SUMF1: variants seen among roughly 807,000 people sequenced by gnomAD.
The protein encoded by SUMF1 is sulfatase modifying factor 1.
A neutral mutation model predicts 47.6 loss-of-function variants in SUMF1; 48 were observed. The ratio of observed to expected loss-of-function variants is 1.01; its 90% CI spans 0.80 to 1.28. SUMF1 has a LOEUF of 1.28. Among genes scored for constraint, SUMF1 ranks in the 50% most tolerant of loss-of-function variants. The pLI is 0.00. For missense variants in SUMF1, 571 were observed against 485.4 expected (o/e 1.18, Z -1.66); for synonymous variants, 230 against 192.1 (o/e 1.20, Z -1.63).
chr3:4,098,128 T>C (rs935189454), intron 8 of SUMF1, among the ~76,000 whole-genome samples: 3 of 152,282 alleles, frequency 2.0e-5, no homozygotes, highest in Admixed American at 6.5e-5. Context: ...ACTGCTTTTA[T>C]CTTTAATGCT....
At chr3:4,150,852 A>G (rs1694302825) in intron 8 of SUMF1, among the ~76,000 whole-genome samples, 1 of 151,446 alleles carries the variant, frequency 6.6e-6, no homozygotes, top group Non-Finnish European at 1.5e-5. Context: ...TCAGGGAGGT[A>G]GCAACCAGAT....
intron 8 of SUMF1, chr3:4,303,945 G>A (rs1698067812): frequency 1.3e-5 from 14 of 1,058,338 alleles, no homozygotes; most frequent in Non-Finnish European, 1.7e-5. Context: ...GTCAGCCTTA[G>A]CTGTGGTCTC....
chr3:4,181,662 C>T (rs963091698), intron 8 of SUMF1, among the ~76,000 whole-genome samples: 1 of 152,040 alleles, frequency 6.6e-6, no homozygotes, highest in African/African-American at 2.4e-5. Flanking sequence ...TTTTGAGCTT[C>T]CCAAAACCTC....
chr3:4,437,443 A>C (rs1224720324), intron 3 of SUMF1, among the ~76,000 whole-genome samples: 1 of 152,196 alleles, frequency 6.6e-6, no homozygotes, highest in African/African-American at 2.4e-5. Context: ...CACAGGCCAG[A>C]AATTGAGGAA....
chr3:4,441,635 C>A (rs938991084), intron 3 of SUMF1, among the ~76,000 whole-genome samples: 2 of 152,116 alleles, frequency 1.3e-5, no homozygotes, highest in Non-Finnish European at 2.9e-5. Context: ...ATATCTATAC[C>A]TTTTAAGATT....
intron 8 of SUMF1, among the ~76,000 whole-genome samples, chr3:4,160,472 T>G (rs1694550728): frequency 6.6e-6 from 1 of 152,098 alleles, no homozygotes; most frequent in Non-Finnish European, 1.5e-5. Flanking sequence ...ACTCCTGACC[T>G]CAAGTGATCT....
At chr3:4,201,579 T>C (rs370929303) in intron 8 of SUMF1, among the ~76,000 whole-genome samples, 45 of 152,116 alleles carry the variant, frequency 3.0e-4, no homozygotes, top group African/African-American at 1.1e-3. Context: ...ATATTGACAA[T>C]TGTGAATAGT....
At chr3:4,132,183 G>A (rs1291875823) in intron 8 of SUMF1, among the ~76,000 whole-genome samples, 3 of 152,132 alleles carry the variant, frequency 2.0e-5, no homozygotes, top group African/African-American at 4.8e-5. Flanking sequence ...CAATGCTTCT[G>A]TCAAAACTAC....
At chr3:4,200,974 C>A (rs1053726665) in intron 8 of SUMF1, among the ~76,000 whole-genome samples, 25 of 151,024 alleles carry the variant, frequency 1.7e-4, no homozygotes, top group African/African-American at 5.8e-4. Flanking sequence ...TAGCATAAAC[C>A]CTCCAACTTT....
chr3:4,092,879 G>C (rs571126097), intron 8 of SUMF1, among the ~76,000 whole-genome samples: 3 of 152,026 alleles, frequency 2.0e-5, no homozygotes, highest in Non-Finnish European at 4.4e-5. Context: ...AATAGTCATG[G>C]AAGAAATGGT....
At chr3:4,213,157 A>G (rs762711089) in intron 8 of SUMF1, among the ~76,000 whole-genome samples, 3 of 152,184 alleles carry the variant, frequency 2.0e-5, no homozygotes, top group Non-Finnish European at 2.9e-5. Flanking sequence ...AAGGGCAGCC[A>G]GAGAGAAAGG....
chr3:4,218,862 T>G (rs1366704072), intron 8 of SUMF1, among the ~76,000 whole-genome samples: 2 of 152,172 alleles, frequency 1.3e-5, no homozygotes, highest in African/African-American at 4.8e-5. Context: ...TTCTCCTCAT[T>G]AGCCTTTTGG....
intron 8 of SUMF1, among the ~76,000 whole-genome samples, chr3:4,263,873 A>T (rs1697136266): frequency 6.6e-6 from 1 of 152,188 alleles, no homozygotes. Flanking sequence ...TGACGATTGC[A>T]ATTGAGTTGC....
intron 7 of SUMF1, among the ~76,000 whole-genome samples, chr3:4,392,510 T>C (rs1700899906): frequency 6.6e-6 from 1 of 151,610 alleles, no homozygotes; most frequent in Admixed American, 6.6e-5. Flanking sequence ...AAACTAGACA[T>C]TTAAGATTAT....
chr3:4,253,916 G>A (rs894749292), intron 8 of SUMF1, among the ~76,000 whole-genome samples: 4 of 150,088 alleles, frequency 2.7e-5, no homozygotes, highest in Admixed American at 6.6e-5. Context: ...CTGGAGATCT[G>A]AGAACTGGCA....
chr3:4,188,193 T>G (rs1335249457), intron 8 of SUMF1, among the ~76,000 whole-genome samples: 1 of 145,788 alleles, frequency 6.9e-6, no homozygotes, highest in Non-Finnish European at 1.5e-5. Context: ...TTTTTTTTTT[T>G]GAGACAGAGT....
At chr3:4,228,544 C>T (rs1696226372) in intron 8 of SUMF1, among the ~76,000 whole-genome samples, 1 of 152,120 alleles carries the variant, frequency 6.6e-6, no homozygotes, top group African/African-American at 2.4e-5. Flanking sequence ...CTGATCTGCC[C>T]TCACCTTTAT....
At chr3:4,135,403 G>A (rs1022256691) in intron 8 of SUMF1, among the ~76,000 whole-genome samples, 7 of 152,028 alleles carry the variant, frequency 4.6e-5, no homozygotes, top group Admixed American at 1.3e-4. Flanking sequence ...TGCAGAAAAG[G>A]CCTTTGACAA....
intron 9 of SUMF1, among the ~76,000 whole-genome samples, chr3:4,048,420 G>A (rs1239571322): frequency 1.3e-5 from 2 of 152,140 alleles, no homozygotes; most frequent in Admixed American, 6.6e-5. Context: ...CTTGAGCAGA[G>A]TCTTATGGCT....
Sources: allele counts gnomAD v4.1 joint callset (sites outside exome capture counted in the v4.1 genomes callset), GRCh38; gene constraint gnomAD v4.1.1; transcripts MANE v1.5; gene names NCBI Gene and HGNC (gene_info 2026-07-23, HGNC 2026-07-21).